The following TEKT5 variants were observed in gnomAD, a reference collection of about 807,000 sequenced individuals.
TEKT5 encodes tektin-5.
A neutral mutation model predicts 48.7 loss-of-function variants in TEKT5; 52 were observed. That is an observed-to-expected ratio of 1.07 (90% confidence interval 0.86 to 1.35). TEKT5 has a LOEUF of 1.35. Among genes scored for constraint, TEKT5 ranks in the 40% most tolerant of loss-of-function variants. The pLI, the probability that TEKT5 is intolerant of heterozygous loss-of-function variation, is 0.00. For missense variants in TEKT5, 831 were observed against 641.6 expected (o/e 1.30, Z -3.19); for synonymous variants, 318 against 267.6 (o/e 1.19, Z -1.84).
In TEKT5 at chr16:10,677,859, G is replaced by A. The variant is rs372485820; in HGVS notation, c.864-1678C>T. 7.9e-4 allele frequency among the ~76,000 whole-genome samples: 121 copies of A among 152,254 alleles called. 1 individual carries two copies. The highest frequency in any genetic ancestry group is 3.4e-3 in the Middle Eastern group (1 of 294). On this transcript the variant is annotated intron_variant, in intron 4 of 6. Transcript: ENST00000283025. ...CCAAAGGACAGAGAGCCCAGGAGAG[G>A]TCTGCAGAGGATAGTCGGCCATGCA... is the stretch of plus-strand genomic sequence containing the variant.
intron 6 of TEKT5, among the ~76,000 whole-genome samples, chr16:10,631,444 G>C (rs989332315): frequency 6.6e-6 from 1 of 151,884 alleles, no homozygotes; most frequent in Non-Finnish European, 1.5e-5. Context: ...GATTGGAAGG[G>C]GGCAAGAGTA....
At chr16:10,692,960 T>C (rs1899007796) in intron 1 of TEKT5, 1 of 152,204 alleles carries the variant, frequency 6.6e-6, no homozygotes. Flanking sequence ...TAAATTCCTG[T>C]TTGGCTAAAC....
chr16:10,662,959 C>T (rs1401654141), intron 5 of TEKT5, among the ~76,000 whole-genome samples: 2 of 152,204 alleles, frequency 1.3e-5, no homozygotes, highest in Non-Finnish European at 2.9e-5. Flanking sequence ...CTTCGGCTTG[C>T]AGCAGGATGG....
intron 4 of TEKT5, 40 bp downstream of exon 4, chr16:10,681,953 T>A: frequency 1.2e-6 from 2 of 1,603,522 alleles, no homozygotes; most frequent in Non-Finnish European, 1.7e-6. Context: ...TCACTCCAGT[T>A]GGACACGCCA....
rs1164394629 is a variant in TEKT5, at chr16:10,694,714, G to A, written c.160C>T (p.Leu54Phe). Residue 54 changes from leucine (L) to phenylalanine (F), a missense_variant, in exon 1 of 7, where the codon CTC (leucine) becomes TTC (phenylalanine). Transcript: ENST00000283025. Reference protein sequence around the residue: ...YRYLNSWRPSLFYKIANVQTC... With the variant: ...YRYLNSWRPSFFYKIANVQTC... ...TGGACGTTGGCTATCTTGTAGAAGA[G>A]GCTAGGCCTCCATGAATTGAGGTAG... 2.5e-6 allele frequency: 4 copies of A among 1,614,006 alleles called. No individual in the cohort carries two copies.
intron 4 of TEKT5, among the ~76,000 whole-genome samples, chr16:10,678,393 G>A (rs186242295): frequency 1.3e-5 from 2 of 152,206 alleles, no homozygotes; most frequent in African/African-American, 4.8e-5. Flanking sequence ...CACCGCACCC[G>A]GCCTCTTTTC....
intron 4 of TEKT5, among the ~76,000 whole-genome samples, 180 bp downstream of exon 4, chr16:10,681,813 C>T (rs2142308102): frequency 6.6e-6 from 1 of 152,176 alleles, no homozygotes; most frequent in East Asian, 1.9e-4. Context: ...CCGGTAAATT[C>T]CATCTTGTCT....
At chr16:10,666,497 C>G (rs191357050) in intron 5 of TEKT5, among the ~76,000 whole-genome samples, 22 of 152,352 alleles carry the variant, frequency 1.4e-4, no homozygotes, top group Admixed American at 1.2e-3. Context: ...AGCACCCCCT[C>G]ACCAAACTAT....
At chr16:10,655,838 G>T (rs1898251638) in intron 5 of TEKT5, among the ~76,000 whole-genome samples, 1 of 152,006 alleles carries the variant, frequency 6.6e-6, no homozygotes, top group South Asian at 2.1e-4. Flanking sequence ...TAGCAGCCTG[G>T]GCATCTGATG....
At chr16:10,644,654 CT>C (rs1898043855) in intron 5 of TEKT5, among the ~76,000 whole-genome samples, 1 of 152,186 alleles carries the variant, frequency 6.6e-6, no homozygotes, top group South Asian at 2.1e-4. Flanking sequence ...AAATGGCTTC[CT>C]GACTATAACA....
intron 5 of TEKT5, among the ~76,000 whole-genome samples, chr16:10,657,896 G>A (rs1011520614): frequency 5.3e-5 from 8 of 151,830 alleles, no homozygotes; most frequent in Middle Eastern, 3.4e-3. Flanking sequence ...CACTGCGCCC[G>A]GCCTCCCCTT....
rs376798592 is a variant in TEKT5 at position 10,694,279 on chromosome 16, G to C, written c.564+31C>G. ...GAGCGTGCAGTATCCCCAGGACACA[G>C]CCACAGCCCTGTCCCCACCCCTGTA... On this transcript the variant is annotated intron_variant, in intron 1 of 6. Transcript: ENST00000283025. 20 of 1,525,968 alleles carry C rather than the reference G, an allele frequency of 1.3e-5. No individual in the cohort carries two copies. In the African/African-American group the frequency reaches 2.4e-4, roughly 18 times the overall value. 94.5% of individuals were successfully genotyped at this position (1,525,968 alleles called of 1,614,324 possible). A position where few individuals can be genotyped will look rare whatever the true frequency, so the allele number is the denominator to read the frequency against.
intron 5 of TEKT5, among the ~76,000 whole-genome samples, chr16:10,669,970 G>A (rs879723959): frequency 4.6e-5 from 7 of 152,274 alleles, no homozygotes; most frequent in Middle Eastern, 3.4e-3. Context: ...ATGAGGCCCC[G>A]GGGCAAGCTA....
intron 3 of TEKT5, among the ~76,000 whole-genome samples, chr16:10,685,419 C>T (rs1898846547): frequency 1.3e-5 from 2 of 152,308 alleles, no homozygotes; most frequent in Non-Finnish European, 2.9e-5. Context: ...CCTGCCTCAG[C>T]CCCCTGAGTA....
At chr16:10,645,827 A>T (rs534156194) in intron 5 of TEKT5, among the ~76,000 whole-genome samples, 43 of 152,252 alleles carry the variant, frequency 2.8e-4, no homozygotes, top group South Asian at 6.2e-4. Flanking sequence ...AATAAAATTT[A>T]AAAAATATAA....
At chr16:10,649,137 G>A (rs1898115058) in intron 5 of TEKT5, among the ~76,000 whole-genome samples, 1 of 149,212 alleles carries the variant, frequency 6.7e-6, no homozygotes, top group Non-Finnish European at 1.5e-5. Context: ...TTTGTTTGTA[G>A]AAATTGGATC....
chr16:10,630,216 G>A (rs1897818325), intron 6 of TEKT5, among the ~76,000 whole-genome samples: 2 of 151,840 alleles, frequency 1.3e-5, no homozygotes, highest in Admixed American at 1.3e-4. Context: ...TTACAGGCAT[G>A]AGCCACCGCA....
chr16:10,665,484 G>A (rs1392546306), intron 5 of TEKT5, among the ~76,000 whole-genome samples: 2 of 152,174 alleles, frequency 1.3e-5, no homozygotes, highest in African/African-American at 2.4e-5. Context: ...CCTCTCCCGT[G>A]TTCGTTCTCT....
intron 5 of TEKT5, among the ~76,000 whole-genome samples, chr16:10,668,687 A>G (rs1348509628): frequency 6.6e-6 from 1 of 152,204 alleles, no homozygotes; most frequent in Non-Finnish European, 1.5e-5. Flanking sequence ...CTTGGGAGTC[A>G]AAACCCCAAA....
Sources: allele counts gnomAD v4.1 joint callset (sites outside exome capture counted in the v4.1 genomes callset), GRCh38; gene constraint gnomAD v4.1.1; transcripts MANE v1.5; gene names NCBI Gene and HGNC (gene_info 2026-07-23, HGNC 2026-07-21).